EPB41L4B: variants seen among roughly 807,000 people sequenced by gnomAD.
The protein encoded by EPB41L4B is band 4.1-like protein 4B.
Under a neutral mutation model 112.5 loss-of-function variants are expected in EPB41L4B, and 30 were observed. The ratio of observed to expected loss-of-function variants is 0.27; its 90% CI spans 0.20 to 0.36. The LOEUF (loss-of-function observed/expected upper bound fraction) is 0.36, where lower values mean the gene tolerates loss of function less well. Among genes scored for constraint, EPB41L4B ranks in the 10% least tolerant of loss-of-function variants. The pLI is 1.00. For missense variants in EPB41L4B, 1,024 were observed against 1,133.3 expected, an observed-to-expected ratio of 0.90 and a Z score of 1.38; for synonymous variants, 408 against 439.7, an observed-to-expected ratio of 0.93 and a Z score of 0.90.
At chr9:109,205,256 T>C (rs1832957377) in intron 18 of EPB41L4B, among the ~76,000 whole-genome samples, 1 of 152,206 alleles carries the variant, frequency 6.6e-6, no homozygotes, top group African/African-American at 2.4e-5. Context: ...CACACTCCCC[T>C]GCTTTTTTCC....
intron 16 of EPB41L4B, 115 bp downstream of exon 16, chr9:109,216,807 C>T: frequency 9.3e-7 from 1 of 1,075,176 alleles, no homozygotes; most frequent in Non-Finnish European, 1.4e-6. Context: ...CCCAGCATAA[C>T]ATGACAACCA....
At chr9:109,212,437 C>A (rs1359072118) in intron 17 of EPB41L4B, among the ~76,000 whole-genome samples, 1 of 152,118 alleles carries the variant, frequency 6.6e-6, no homozygotes, top group Admixed American at 6.5e-5. Context: ...AGGAGGAATT[C>A]TCTCTAGCTG....
At chr9:109,182,076 G>T (rs1274930576) in intron 24 of EPB41L4B, among the ~76,000 whole-genome samples, 4 of 152,166 alleles carry the variant, frequency 2.6e-5, no homozygotes, top group Admixed American at 2.6e-4. Context: ...AGGCGTGGTG[G>T]CAAGCAGCTG....
At chr9:109,290,780 ACACC>A (rs1210312672) in intron 1 of EPB41L4B, among the ~76,000 whole-genome samples, 7 of 150,582 alleles carry the variant, frequency 4.6e-5, no homozygotes, top group African/African-American at 1.5e-4. Context: ...ACACACACAC[ACACC>A]CCCCACCAAG....
intron 7 of EPB41L4B, among the ~76,000 whole-genome samples, chr9:109,257,428 T>C (rs994681120): frequency 1.3e-5 from 2 of 152,124 alleles, no homozygotes; most frequent in African/African-American, 4.8e-5. Context: ...GATTTAGGTA[T>C]GATGATCACA....
intron 20 of EPB41L4B, among the ~76,000 whole-genome samples, chr9:109,199,646 G>A (rs558606961): frequency 3.3e-5 from 5 of 152,288 alleles, no homozygotes; most frequent in South Asian, 2.1e-4. Flanking sequence ...CAGCCTGAGC[G>A]ACAGAGCAAG....
Position 109,281,722 on chromosome 9 carries a change from AAATTAATTAATT to A in EPB41L4B, c.307-1813_307-1802del, listed in dbSNP as rs66525536. On this transcript the variant is annotated intron_variant, in intron 1 of 25. Coordinates refer to ENST00000374566, the MANE Select transcript of EPB41L4B (RefSeq NM_019114.5). ...TAAATAAATAAATAAATAAATAAAT[AAATTAATTAATT>A]AATTTTAAAAAAGATCATAACAAAT... 3.6e-3 allele frequency among the ~76,000 whole-genome samples: 453 copies of A among 125,554 alleles called. 2 individuals carry two copies. Among genetic ancestry groups the A allele is most frequent in the Admixed American group, 7.0e-3 (88 of 12,486 alleles). The allele number at this position is 125,554 out of a possible 152,430, so 82.4% of individuals were successfully genotyped here.
chr9:109,308,270 A>G (rs1837290944), intron 1 of EPB41L4B, among the ~76,000 whole-genome samples: 1 of 152,112 alleles, frequency 6.6e-6, no homozygotes, highest in South Asian at 2.1e-4. Context: ...ATCTCCACTC[A>G]GCCTTCTTGA....
rs1564301839 is a variant in EPB41L4B, at chr9:109,260,898, G to A, written c.631+2152C>T. ...TTGCAATGGGGTGGGATGGTAATAC[G>A]TGCACCTCATCCTCTGATCTTTCAG... On this transcript the variant is annotated intron_variant, in intron 6 of 25. Coordinates refer to ENST00000374566, the MANE Select transcript of EPB41L4B (RefSeq NM_019114.5). 2.0e-5 allele frequency among the ~76,000 whole-genome samples: 3 copies of A among 152,142 alleles called. No individual in the cohort carries two copies. The South Asian group carries it at 6.2e-4, about 32-fold the overall frequency.
chr9:109,291,941 T>A (rs1052894427), intron 1 of EPB41L4B, among the ~76,000 whole-genome samples: 4 of 152,228 alleles, frequency 2.6e-5, no homozygotes, highest in Admixed American at 2.0e-4. Flanking sequence ...GATCAGCCTC[T>A]GTTCCAGGCC....
chr9:109,224,082 C>A (rs1315592372), intron 15 of EPB41L4B, among the ~76,000 whole-genome samples: 1 of 151,968 alleles, frequency 6.6e-6, no homozygotes, highest in East Asian at 1.9e-4. Context: ...AACTCCTATA[C>A]ACTGCTGGAG....
chr9:109,263,384 C>T (rs1835286754), intron 5 of EPB41L4B, among the ~76,000 whole-genome samples: 1 of 152,214 alleles, frequency 6.6e-6, no homozygotes, highest in African/African-American at 2.4e-5. Flanking sequence ...GTTTGGAAAA[C>T]AGAATGAAAA....
At chr9:109,175,856 A>G (rs1313007597) in intron 25 of EPB41L4B, among the ~76,000 whole-genome samples, 2 of 152,116 alleles carry the variant, frequency 1.3e-5, no homozygotes, top group Non-Finnish European at 2.9e-5. Context: ...TAACCATGTC[A>G]GGCACATGCT....
intron 2 of EPB41L4B, among the ~76,000 whole-genome samples, chr9:109,276,544 C>T (rs1318179022): frequency 2.6e-5 from 4 of 152,214 alleles, no homozygotes; most frequent in African/African-American, 9.6e-5. Flanking sequence ...TGAGGACCCT[C>T]GCCCTCCCAC....
intron 19 of EPB41L4B, among the ~76,000 whole-genome samples, chr9:109,203,128 T>G (rs146203253): frequency 0.032 from 4,915 of 152,308 alleles, 102 homozygotes; most frequent in African/African-American, 0.06. Flanking sequence ...CACTCCAGCC[T>G]GGGCAACAGA....
chr9:109,197,444 T>C (rs538270444), intron 20 of EPB41L4B, among the ~76,000 whole-genome samples: 5 of 147,816 alleles, frequency 3.4e-5, no homozygotes, highest in African/African-American at 5.0e-5. Context: ...ATAATAATAA[T>C]AATAAAAAGA....
chr9:109,276,154 T>TACAC (rs66791042), intron 2 of EPB41L4B, among the ~76,000 whole-genome samples: 113 of 141,756 alleles, frequency 8.0e-4, no homozygotes, highest in Non-Finnish European at 1.1e-3. Context: ...CGTGTGTGTA[T>TACAC]ACACACACAC....
rs752403352 is a variant in EPB41L4B, at chr9:109,321,008, AGCCGCCGCCGCC to A, written c.-574_-563del. ...CTCCCACCTGGGAGGCTGCACCTCC[AGCCGCCGCCGCC>A]GCCGCCGCCGCCGCTGCCGCCGGGA... On this transcript the variant is annotated 5_prime_UTR_variant, in exon 1 of 26. Transcript: ENST00000374566. The A allele has an allele frequency of 1.8e-4, 33 of 181,278 alleles. No homozygotes were observed. Among genetic ancestry groups the A allele is most frequent in the East Asian group, 1.4e-3 (8 of 5,572 alleles). The allele number at this position is 181,278 out of a possible 1,614,324, so 11.2% of individuals were successfully genotyped here. A position where few individuals can be genotyped will look rare whatever the true frequency, so the allele number is the denominator to read the frequency against.
intron 1 of EPB41L4B, among the ~76,000 whole-genome samples, chr9:109,281,734 T>A (rs200174488): frequency 0.083 from 10,576 of 128,084 alleles, 411 homozygotes; most frequent in Middle Eastern, 0.12. Flanking sequence ...ATTAATTAAT[T>A]AATTTTAAAA....
Sources: allele counts gnomAD v4.1 joint callset (sites outside exome capture counted in the v4.1 genomes callset), GRCh38; gene constraint gnomAD v4.1.1; transcripts MANE v1.5; gene names NCBI Gene and HGNC (gene_info 2026-07-23, HGNC 2026-07-21).